The following CDH4 variants were observed in gnomAD, a reference collection of about 807,000 sequenced individuals.
CDH4 encodes cadherin-4.
In CDH4, 33 loss-of-function variants were observed where a neutral mutation model predicts 86.0. The ratio of observed to expected loss-of-function variants is 0.38; its 90% CI spans 0.29 to 0.51. The LOEUF (loss-of-function observed/expected upper bound fraction) is 0.51, where lower values mean the gene tolerates loss of function less well. Among genes scored for constraint, CDH4 ranks in the 20% least tolerant of loss-of-function variants. CDH4 has a pLI of 0.86. For missense variants in CDH4, 1,114 were observed against 1,307.4 expected, an observed-to-expected ratio of 0.85 and a Z score of 2.28; for synonymous variants, 555 against 549.4, an observed-to-expected ratio of 1.01 and a Z score of -0.14.
At chr20:61,853,810 G>A (rs1982856082) in intron 6 of CDH4, among the ~76,000 whole-genome samples, 1 of 152,198 alleles carries the variant, frequency 6.6e-6, no homozygotes, top group Admixed American at 6.5e-5. Flanking sequence ...TCCCCACTGT[G>A]GCTGCCTCCT....
rs549559402 is a variant in CDH4, at chr20:61,663,269, G to A, written c.170-80294G>A. 1.3e-5 allele frequency among the ~76,000 whole-genome samples: 2 copies of A among 152,308 alleles called. No homozygotes were observed. Among genetic ancestry groups the A allele is most frequent in the South Asian group, 2.1e-4 (1 of 4,824 alleles). ...CTTTCATCGAGGGCTTGGCGCCCACGACAAATGAGTCCACGCAGGAAAGGA... is the reference window on the plus strand; with the variant it reads ...CTTTCATCGAGGGCTTGGCGCCCACAACAAATGAGTCCACGCAGGAAAGGA... On this transcript the variant is annotated intron_variant, in intron 2 of 15. Transcript: ENST00000614565. This position sits in a 1 kb window ranked among gnomAD's most constrained non-coding sequence, Gnocchi z 5.0.
intron 8 of CDH4, among the ~76,000 whole-genome samples, chr20:61,903,016 C>CAAAAAAAAAAAAA (rs58490650): frequency 1.2e-5 from 1 of 83,104 alleles, no homozygotes; most frequent in Non-Finnish European, 2.4e-5. Context: ...AAGACTGTCT[C>CAAAAAAAAAAAAA]AAAAAAAAAA....
chr20:61,486,833 G>A (rs2085599451), intron 2 of CDH4, among the ~76,000 whole-genome samples: 1 of 152,170 alleles, frequency 6.6e-6, no homozygotes, highest in Non-Finnish European at 1.5e-5. Flanking sequence ...AGGTTCCAAT[G>A]AACTATGATT....
In CDH4 at chr20:61,923,319, C is replaced by T; in HGVS notation, c.1375-132C>T. 4.4e-6 allele frequency: 4 copies of T among 909,926 alleles called. No homozygotes were observed. The South Asian group carries it at 6.2e-5, about 14-fold the overall frequency. 56.4% of individuals were successfully genotyped at this position (909,926 alleles called of 1,614,324 possible). A position where few individuals can be genotyped will look rare whatever the true frequency, so the allele number is the denominator to read the frequency against. On this transcript the variant is annotated intron_variant, in intron 9 of 15. Transcript: ENST00000614565. The stretch of plus-strand genomic sequence containing the variant: ...GATGGGACCCTTTGGGGCCTCCTGG[C>T]TAAAGAGCAGAGCAGAGAAGAGCTG...
At chr20:61,312,782 C>T (rs762171716) in intron 2 of CDH4, among the ~76,000 whole-genome samples, 49 of 152,238 alleles carry the variant, frequency 3.2e-4, no homozygotes, top group Non-Finnish European at 5.6e-4. Context: ...GAACAGAGCT[C>T]GAGCTCTGCC....
At chr20:61,645,280 A>G (rs1600835155) in intron 2 of CDH4, among the ~76,000 whole-genome samples, 1 of 152,178 alleles carries the variant, frequency 6.6e-6, no homozygotes, top group South Asian at 2.1e-4. Flanking sequence ...TGGCTGTGCT[A>G]TGTTACCTAG....
rs192751141 is a variant in CDH4 at position 61,676,625 on chromosome 20, T to C, written c.170-66938T>C. Among the ~76,000 whole-genome samples, 42 of 152,308 alleles carry C rather than the reference T, an allele frequency of 2.8e-4. No individual in the cohort carries two copies. In the East Asian group the frequency reaches 7.2e-3, roughly 26 times the overall value. ...CCAGCCAGGGTTCACTGAGTGTACC[T>C]GGCATTCTCTCAATTCTCTGCACAT... On this transcript the variant is annotated intron_variant, in intron 2 of 15. Transcript: ENST00000614565. This position sits in a 1 kb window ranked among gnomAD's most constrained non-coding sequence, Gnocchi z 4.5.
At chr20:61,800,334 C>T (rs949187120) in intron 4 of CDH4, among the ~76,000 whole-genome samples, 2 of 152,224 alleles carry the variant, frequency 1.3e-5, no homozygotes, top group African/African-American at 4.8e-5. Flanking sequence ...GCGTAGCCGA[C>T]TCTTTGCCCC....
chr20:61,621,006 T>A (rs1275541338), intron 2 of CDH4, among the ~76,000 whole-genome samples: 3 of 152,210 alleles, frequency 2.0e-5, no homozygotes, highest in African/African-American at 7.2e-5. Flanking sequence ...TGTCTGCAGG[T>A]TTGTGGAGAT....
rs550718213 is a variant in CDH4, at chr20:61,886,293, C to A, written c.1051-8617C>A. 2.6e-5 allele frequency among the ~76,000 whole-genome samples: 4 copies of A among 152,310 alleles called. No individual in the cohort carries two copies. In the South Asian group the frequency reaches 8.3e-4, roughly 32 times the overall value. On this transcript the variant is annotated intron_variant, in intron 7 of 15. Coordinates refer to ENST00000614565, the MANE Select transcript of CDH4 (RefSeq NM_001794.5). ...ATGCTGGGTATGGCCAGGGCACGCT[C>A]GACTCAGGAAGCTTTGATGCCTTTC...
At chr20:61,822,431 G>A (rs1429586494) in intron 4 of CDH4, among the ~76,000 whole-genome samples, 1 of 152,204 alleles carries the variant, frequency 6.6e-6, no homozygotes, top group East Asian at 1.9e-4. Flanking sequence ...GATAACAGGG[G>A]AAAAGTAGCA....
At chr20:61,897,727 G>A (rs1015003483) in intron 8 of CDH4, among the ~76,000 whole-genome samples, 1 of 152,238 alleles carries the variant, frequency 6.6e-6, no homozygotes, top group African/African-American at 2.4e-5. Context: ...CTAAGCACAG[G>A]CTACTGCAGC....
In CDH4 at chr20:61,487,999, G is replaced by A. The variant is rs533291249; in HGVS notation, c.169+233062G>A. Among the ~76,000 whole-genome samples the A allele has an allele frequency of 3.6e-4, 55 of 152,302 alleles. No homozygotes were observed. The Middle Eastern group carries it at 0.01, about 28-fold the overall frequency. On this transcript the variant is annotated intron_variant, in intron 2 of 15. Transcript: ENST00000614565. ...TGATATCTGTTTGTCACCCCCAGAG[G>A]CAAATGGAGGCAGTTCAATCGATGA...
rs187836526 is a variant in CDH4 at position 61,684,681 on chromosome 20, C to T, written c.170-58882C>T. Among the ~76,000 whole-genome samples, 8 of 152,166 alleles carry T rather than the reference C, an allele frequency of 5.3e-5. No individual in the cohort carries two copies. The highest frequency in any genetic ancestry group is 1.7e-4 in the African/African-American group (7 of 41,496). On this transcript the variant is annotated intron_variant, in intron 2 of 15. Coordinates refer to ENST00000614565, the MANE Select transcript of CDH4 (RefSeq NM_001794.5). This position sits in a 1 kb window ranked among gnomAD's most constrained non-coding sequence, Gnocchi z 4.5. ...CATTTTATCTCAAAGTCTTACAAAC[C>T]ATCTTAGCGTTTTTGTGCAAACAGC...
chr20:61,753,609 G>A (rs1029464102), intron 3 of CDH4, among the ~76,000 whole-genome samples: 10 of 152,188 alleles, frequency 6.6e-5, no homozygotes, highest in South Asian at 6.2e-4. Flanking sequence ...GGAAACACTC[G>A]AGACCAAGCT....
At chr20:61,844,926 T>G (rs1186590251) in intron 5 of CDH4, 103 bp downstream of exon 5, 1 of 1,179,448 alleles carries the variant, frequency 8.5e-7, no homozygotes, top group Non-Finnish European at 1.2e-6. Flanking sequence ...GCCCTAACTC[T>G]ACAGGCAGCA....
intron 2 of CDH4, among the ~76,000 whole-genome samples, chr20:61,587,945 GCTT>G (rs1349118098): frequency 6.6e-6 from 1 of 152,150 alleles, no homozygotes; most frequent in Admixed American, 6.5e-5. Context: ...GGCGTTTTCT[GCTT>G]CATGTGTTTA....
At chr20:61,853,784 G>T (rs1347901769) in intron 6 of CDH4, among the ~76,000 whole-genome samples, 1 of 152,174 alleles carries the variant, frequency 6.6e-6, no homozygotes, top group South Asian at 2.1e-4. Flanking sequence ...GGGGGCTTCT[G>T]TGTGAGGGGA....
rs528882499 is a variant in CDH4 at position 61,939,369 on chromosome 20, C to G, written c.*2426C>G. On this transcript the variant is annotated 3_prime_UTR_variant, in exon 16 of 16. Coordinates refer to ENST00000614565, the MANE Select transcript of CDH4 (RefSeq NM_001794.5). ...CTCCCACTAGCTCCCCCTCCTCGCC[C>G]ACAGCCTCTTGTCACTGCCAAGCCC... 1 of 152,450 alleles carries G rather than the reference C, an allele frequency of 6.6e-6. No homozygotes were observed. Among genetic ancestry groups the G allele is most frequent in the Admixed American group, 6.5e-5 (1 of 15,314 alleles). The allele number at this position is 152,450 out of a possible 1,614,324, so 9.4% of individuals were successfully genotyped here.
Sources: allele counts gnomAD v4.1 joint callset (sites outside exome capture counted in the v4.1 genomes callset), GRCh38; gene constraint gnomAD v4.1.1; non-coding constraint Gnocchi (gnomAD v3.1); transcripts MANE v1.5; gene names NCBI Gene and HGNC (gene_info 2026-07-23, HGNC 2026-07-21).